Variants in CFAP61 observed in about 807,000 individuals in gnomAD.
The protein encoded by CFAP61 is cilia- and flagella-associated protein 61.
In CFAP61, 107 loss-of-function variants were observed where a neutral mutation model predicts 135.6. The observed-to-expected ratio is 0.79, with a 90% CI of 0.67 to 0.93. The LOEUF is 0.93. Ranked by LOEUF, CFAP61 falls within the 40% of genes least tolerant of loss-of-function variation. CFAP61 has a pLI of 0.00. For missense variants in CFAP61, 1,507 were observed against 1,556.2 expected (o/e 0.97, Z 0.53); for synonymous variants, 575 against 578.5 (o/e 0.99, Z 0.09).
chr20:20,312,705 C>T (rs1430839154), intron 25 of CFAP61, among the ~76,000 whole-genome samples: 2 of 152,150 alleles, frequency 1.3e-5, no homozygotes, highest in Non-Finnish European at 2.9e-5. Context: ...CAACAAAAGA[C>T]ACGGGCACAT....
At position 20,159,422 on chromosome 20, in the gene CFAP61, G is replaced by A; in HGVS notation, c.1004G>A (p.Ser335Asn). The change falls in exon 10 of 27, where the codon AGT becomes AAT. Residue 335 changes from serine (S) to asparagine (N), a missense_variant. Ser to Asn is a conservative substitution (Grantham distance 46). Coordinates refer to ENST00000245957, the MANE Select transcript of CFAP61 (RefSeq NM_015585.4). ...GAGGAAGCTTTAACAGCAGTCCAAA[G>A]TGGAAATGTTAGTGAACCGGAGGTA... ...ASEEALTAVQ[S>N]GNVSEPEDIE... 1 of 1,613,982 alleles carries A rather than the reference G, an allele frequency of 6.2e-7. No homozygotes were observed. The highest frequency in any genetic ancestry group is 8.5e-7 in the Non-Finnish European group (1 of 1,179,838).
At chr20:20,340,549 C>T (rs573284882) in intron 25 of CFAP61, among the ~76,000 whole-genome samples, 12 of 152,170 alleles carry the variant, frequency 7.9e-5, no homozygotes, top group Middle Eastern at 3.4e-3. Context: ...GAAGGGTCCC[C>T]GACGGGCAAC....
intron 6 of CFAP61, chr20:20,085,191 C>A (rs1226124753): frequency 1.0e-6 from 1 of 985,340 alleles, no homozygotes; most frequent in Non-Finnish European, 1.2e-6. Flanking sequence ...GTGCCAAATT[C>A]ACAGTGGCTC....
At chr20:20,165,486 C>T (rs1159757675) in intron 11 of CFAP61, among the ~76,000 whole-genome samples, 2 of 151,914 alleles carry the variant, frequency 1.3e-5, no homozygotes, top group Non-Finnish European at 2.9e-5. Context: ...AAAGCCCCGG[C>T]GCCCACCAGA....
intron 8 of CFAP61, among the ~76,000 whole-genome samples, chr20:20,126,762 C>G (rs2050096850): frequency 1.3e-5 from 2 of 151,788 alleles, no homozygotes; most frequent in Non-Finnish European, 2.9e-5. Flanking sequence ...ATGTCCAGGT[C>G]TCTAGCAAGG....
chr20:20,067,039 A>G (rs1243340587), intron 2 of CFAP61, among the ~76,000 whole-genome samples: 2 of 152,106 alleles, frequency 1.3e-5, no homozygotes, highest in Non-Finnish European at 2.9e-5. Flanking sequence ...ATTTCACTGC[A>G]TGTAAATTAT....
intron 23 of CFAP61, among the ~76,000 whole-genome samples, chr20:20,289,943 GAGGAAT>G (rs1241985591): frequency 2.0e-5 from 3 of 152,202 alleles, no homozygotes; most frequent in African/African-American, 7.2e-5. Context: ...GAGAAGTGAT[GAGGAAT>G]AGGAATGCTG....
At chr20:20,158,188 A>G (rs1160088502) in intron 9 of CFAP61, among the ~76,000 whole-genome samples, 1 of 151,974 alleles carries the variant, frequency 6.6e-6, no homozygotes, top group Admixed American at 6.6e-5. Context: ...ACATGTATAC[A>G]TATGTAACTA....
chr20:20,246,011 A>C, intron 18 of CFAP61, 106 bp from the exon 19 acceptor site: 1 of 702,378 alleles, frequency 1.4e-6, no homozygotes, highest in Non-Finnish European at 2.5e-6. Flanking sequence ...TCCAAAAGCA[A>C]TTCAACAGTT....
chr20:20,119,673 T>C (rs2049458154), intron 8 of CFAP61, among the ~76,000 whole-genome samples: 1 of 152,176 alleles, frequency 6.6e-6, no homozygotes, highest in Admixed American at 6.5e-5. Flanking sequence ...CAGGGGTACA[T>C]GTGTAGGTTT....
chr20:20,099,587 G>A (rs950957712), intron 8 of CFAP61, among the ~76,000 whole-genome samples: 2 of 152,058 alleles, frequency 1.3e-5, no homozygotes. Context: ...ACGGGGGGGG[G>A]GTTGTGAAGT....
chr20:20,315,779 A>G (rs1248655542), intron 25 of CFAP61, among the ~76,000 whole-genome samples: 3 of 152,200 alleles, frequency 2.0e-5, no homozygotes, highest in African/African-American at 7.2e-5. Context: ...TCCCAGCACC[A>G]TTTATTAAAT....
chr20:20,259,169 A>T (rs1410871001), intron 20 of CFAP61, among the ~76,000 whole-genome samples: 1 of 152,086 alleles, frequency 6.6e-6, no homozygotes, highest in Non-Finnish European at 1.5e-5. Flanking sequence ...CATTAAAAAT[A>T]AAAATATCTG....
intron 8 of CFAP61, among the ~76,000 whole-genome samples, chr20:20,138,086 C>A (rs909903901): frequency 1.3e-5 from 2 of 152,148 alleles, no homozygotes; most frequent in Admixed American, 1.3e-4. Context: ...TGTGACTCTG[C>A]CAGGTGCCCT....
intron 26 of CFAP61, among the ~76,000 whole-genome samples, chr20:20,342,234 C>T (rs1229859162): frequency 3.9e-5 from 6 of 152,126 alleles, no homozygotes; most frequent in Non-Finnish European, 7.4e-5. Flanking sequence ...CAAGAACGAA[C>T]GTTGCATTCC....
intron 9 of CFAP61, among the ~76,000 whole-genome samples, chr20:20,143,177 A>T (rs909250928): frequency 3.9e-5 from 6 of 152,242 alleles, no homozygotes; most frequent in African/African-American, 1.2e-4. Flanking sequence ...TCAGGTCAGA[A>T]CAGAGTGTCA....
At chr20:20,326,461 T>C (rs1243851740) in intron 25 of CFAP61, among the ~76,000 whole-genome samples, 2 of 152,200 alleles carry the variant, frequency 1.3e-5, no homozygotes, top group African/African-American at 4.8e-5. Flanking sequence ...TCTATCACTT[T>C]CGTAGCTTTG....
chr20:20,260,922 T>C (rs1352913261), intron 20 of CFAP61, among the ~76,000 whole-genome samples: 2 of 152,224 alleles, frequency 1.3e-5, no homozygotes, highest in Non-Finnish European at 2.9e-5. Context: ...TTCAGTATTG[T>C]GCACGTCAGA....
chr20:20,078,814 T>C (rs1395706226), intron 6 of CFAP61, among the ~76,000 whole-genome samples: 2 of 152,066 alleles, frequency 1.3e-5, no homozygotes, highest in Non-Finnish European at 2.9e-5. Flanking sequence ...ATTTGGCAAT[T>C]TAAAAAGGCA....
Sources: gnomAD v4.1 joint callset for allele counts (sites outside exome capture counted in the v4.1 genomes callset) on GRCh38, gnomAD v4.1.1 for gene constraint, MANE v1.5 for transcripts, NCBI Gene and HGNC (gene_info 2026-07-23, HGNC 2026-07-21) for gene names.